Variants in CDH13 observed in about 807,000 individuals in gnomAD.
The protein encoded by CDH13 is cadherin-13.
In CDH13, 24 loss-of-function variants were observed where a neutral mutation model predicts 63.8. That is an observed-to-expected ratio of 0.38 (90% CI 0.27 to 0.53). The LOEUF (loss-of-function observed/expected upper bound fraction) is 0.53, where lower values mean the gene tolerates loss of function less well. Ranked by LOEUF, CDH13 falls within the 20% of genes least tolerant of loss-of-function variation. CDH13 has a pLI of 0.85. For missense variants in CDH13, 1,049 were observed against 903.1 expected (o/e 1.16, Z -2.07); for synonymous variants, 503 against 355.3 (o/e 1.42, Z -4.67).
chr16:83,185,822 A>C (rs1461345110), intron 4 of CDH13, among the ~76,000 whole-genome samples: 2 of 152,190 alleles, frequency 1.3e-5, no homozygotes, highest in Non-Finnish European at 2.9e-5. Flanking sequence ...TTCTCCTGCC[A>C]CTGATGGATA....
intron 7 of CDH13, among the ~76,000 whole-genome samples, chr16:83,510,005 T>C (rs1386798306): frequency 6.6e-6 from 1 of 152,214 alleles, no homozygotes; most frequent in African/African-American, 2.4e-5. Flanking sequence ...TCATTAGCCC[T>C]GCTTTAATGG....
At chr16:83,437,673 T>C (rs1346472154) in intron 6 of CDH13, among the ~76,000 whole-genome samples, 4 of 151,832 alleles carry the variant, frequency 2.6e-5, no homozygotes, top group Non-Finnish European at 5.9e-5. Flanking sequence ...CAAGATCCTG[T>C]TCCAAAAAAA....
intron 7 of CDH13, among the ~76,000 whole-genome samples, chr16:83,588,750 A>G (rs563478745): frequency 1.3e-5 from 2 of 152,340 alleles, no homozygotes; most frequent in African/African-American, 4.8e-5. Flanking sequence ...GGTTGACATC[A>G]CACTTCAAAG....
chr16:83,268,592 C>T (rs910973560), intron 5 of CDH13, among the ~76,000 whole-genome samples: 1 of 152,150 alleles, frequency 6.6e-6, no homozygotes, highest in African/African-American at 2.4e-5. Context: ...TACGTTTCTA[C>T]GTTTTTTTGA....
At chr16:83,543,931 G>A (rs1348709551) in intron 7 of CDH13, among the ~76,000 whole-genome samples, 1 of 152,212 alleles carries the variant, frequency 6.6e-6, no homozygotes, top group Non-Finnish European at 1.5e-5. Flanking sequence ...CACCCCATCA[G>A]TGACACTTGA....
chr16:83,453,554 A>G (rs1262388589), intron 6 of CDH13, among the ~76,000 whole-genome samples: 1 of 152,112 alleles, frequency 6.6e-6, no homozygotes, highest in Non-Finnish European at 1.5e-5. Context: ...TAATTATCAC[A>G]ATGTTGATGG....
intron 1 of CDH13, among the ~76,000 whole-genome samples, chr16:82,759,031 C>T (rs2034730325): frequency 6.6e-6 from 1 of 152,288 alleles, no homozygotes; most frequent in Non-Finnish European, 1.5e-5. Context: ...TAAGGGCTTT[C>T]TCAGCATTGG....
At chr16:83,164,049 T>C (rs2037557938) in intron 4 of CDH13, among the ~76,000 whole-genome samples, 1 of 152,094 alleles carries the variant, frequency 6.6e-6, no homozygotes, top group Admixed American at 6.6e-5. Flanking sequence ...ATAGTTGTTA[T>C]CTGTGTCTTA....
chr16:83,280,668 T>C (rs1323235260), intron 5 of CDH13, among the ~76,000 whole-genome samples: 2 of 136,318 alleles, frequency 1.5e-5, no homozygotes, highest in East Asian at 2.2e-4. Context: ...AGAAATCATA[T>C]GCCAGCTATG....
chr16:82,980,760 A>C (rs1440304870), intron 2 of CDH13, among the ~76,000 whole-genome samples: 1 of 152,234 alleles, frequency 6.6e-6, no homozygotes, highest in Non-Finnish European at 1.5e-5. Flanking sequence ...TTTGTCCCCA[A>C]GAACCTCCTT....
At chr16:83,728,080 A>T (rs983717082) in intron 10 of CDH13, among the ~76,000 whole-genome samples, 7 of 152,296 alleles carry the variant, frequency 4.6e-5, no homozygotes, top group African/African-American at 1.7e-4. Flanking sequence ...TTATGCGGCA[A>T]CACATACTCA....
At chr16:82,842,135 TATACAC>T (rs1427268076) in intron 1 of CDH13, among the ~76,000 whole-genome samples, 6 of 49,106 alleles carry the variant, frequency 1.2e-4, no homozygotes, top group Non-Finnish European at 1.9e-4. Flanking sequence ...TATATATATA[TATACAC>T]ATATATATAT....
intron 10 of CDH13, among the ~76,000 whole-genome samples, chr16:83,740,259 C>A (rs983769): frequency 1.5e-4 from 23 of 151,870 alleles, no homozygotes; most frequent in African/African-American, 5.6e-4. Flanking sequence ...TATTCTATAC[C>A]CCATGGGAAG....
intron 5 of CDH13, among the ~76,000 whole-genome samples, chr16:83,300,193 CA>C (rs1351056861): frequency 1.3e-5 from 2 of 152,170 alleles, no homozygotes; most frequent in African/African-American, 2.4e-5. Flanking sequence ...AGCTGATAGA[CA>C]GTGATAAAAC....
intron 1 of CDH13, among the ~76,000 whole-genome samples, chr16:82,666,076 G>T (rs756565890): frequency 1.3e-5 from 2 of 152,088 alleles, no homozygotes; most frequent in Non-Finnish European, 2.9e-5. Context: ...TTTATGAGAG[G>T]GTGTGGACTG....
intron 6 of CDH13, among the ~76,000 whole-genome samples, chr16:83,436,835 C>G (rs991148179): frequency 1.3e-5 from 2 of 152,130 alleles, no homozygotes; most frequent in Non-Finnish European, 2.9e-5. Flanking sequence ...GACATTTAAT[C>G]CATAGAGATA....
intron 1 of CDH13, among the ~76,000 whole-genome samples, chr16:82,818,938 C>T (rs922607092): frequency 1.3e-5 from 2 of 152,178 alleles, no homozygotes; most frequent in Admixed American, 1.3e-4. Context: ...AACTTGCTCC[C>T]CTCTGAGTGC....
At chr16:82,731,105 C>T (rs777008955) in intron 1 of CDH13, among the ~76,000 whole-genome samples, 8 of 152,230 alleles carry the variant, frequency 5.3e-5, no homozygotes, top group Admixed American at 6.5e-5. Context: ...CTGGCCATGC[C>T]GGGAGTATTT....
At chr16:83,120,781 T>TTTTTTTTTTTA (rs71382865) in intron 3 of CDH13, among the ~76,000 whole-genome samples, 1 of 19,646 alleles carries the variant, frequency 5.1e-5, no homozygotes, top group African/African-American at 6.6e-5. Flanking sequence ...TTTTTTTTTC[T>TTTTTTTTTTTA]GAGATGGAGT....
Sources: allele counts gnomAD v4.1 joint callset (sites outside exome capture counted in the v4.1 genomes callset), GRCh38; gene constraint gnomAD v4.1.1; transcripts MANE v1.5; gene names NCBI Gene and HGNC (gene_info 2026-07-23, HGNC 2026-07-21).